The following RBM10 variants were observed in gnomAD, a reference collection of about 807,000 sequenced individuals.
The protein encoded by RBM10 is RNA binding motif protein 10.
A neutral mutation model predicts 84.9 loss-of-function variants in RBM10; 1 was observed. The ratio of observed to expected loss-of-function variants is 0.01; its 90% CI spans 0.00 to 0.06. RBM10 has a LOEUF of 0.06. Among genes scored for constraint, RBM10 ranks in the 10% least tolerant of loss-of-function variants. The pLI is 1.00. For missense variants in RBM10, 438 were observed against 839.0 expected (o/e 0.52, Z 5.90); for synonymous variants, 326 against 344.5 (o/e 0.95, Z 0.60).
Position 47,182,214 on chromosome X carries a change from G to A in RBM10, c.1838G>A (p.Arg613Gln), listed in dbSNP as rs1556780196. The change falls in exon 17 of 24, where the codon CGG becomes CAG. Residue 613 changes from arginine (R) to glutamine (Q), a missense_variant. This residue lies in a region of RBM10 where 39 missense variants were observed against 119.5 expected (regional missense o/e 0.33). Transcript: ENST00000377604. ...TACCTGTACTGGGATGGGGAGAGGC[G>A]GACCTATGTTCCCGCCCTGGAGCAG... ...QQYLYWDGER[R>Q]TYVPALEQSA... The A allele has an allele frequency of 5.8e-6, 7 of 1,210,138 alleles. No homozygotes were observed. Among genetic ancestry groups the A allele is most frequent in the South Asian group, 1.8e-5 (1 of 56,811 alleles).
At chrX:47,159,155 A>G (rs1426237622) in intron 2 of RBM10, among the ~76,000 whole-genome samples, 2 of 112,489 alleles carry the variant, frequency 1.8e-5, no homozygotes, top group East Asian at 5.6e-4. Flanking sequence ...CATGCCAGTA[A>G]TCCCATCACT....
intron 6 of RBM10, among the ~76,000 whole-genome samples, chrX:47,176,295 G>A (rs782141377): frequency 8.9e-6 from 1 of 111,895 alleles, no homozygotes. Context: ...GCGTGTGCCC[G>A]GCAGAGCAGC....
intron 2 of RBM10, among the ~76,000 whole-genome samples, chrX:47,162,302 T>C (rs1474585674): frequency 1.8e-5 from 2 of 112,307 alleles, no homozygotes; most frequent in African/African-American, 6.5e-5. Flanking sequence ...TTATTCCATT[T>C]TTAACTCCTA....
At chrX:47,170,753 T>C (rs958879941) in intron 3 of RBM10, among the ~76,000 whole-genome samples, 2 of 112,175 alleles carry the variant, frequency 1.8e-5, no homozygotes, top group Non-Finnish European at 3.8e-5. Flanking sequence ...AGCTGTGTCT[T>C]GTCAGCTACC....
rs782180325 is a variant in RBM10, at chrX:47,179,221, G to T, written c.724+58G>T. ...GCGGAGCGGTTGGGGAGAAGGGAAG[G>T]GTGAGGGGTCTGTGCTCAGGGCTTG... On this transcript the variant is annotated intron_variant, in intron 8 of 23. Coordinates refer to ENST00000377604, the MANE Select transcript of RBM10 (RefSeq NM_005676.5). 2.6e-3 allele frequency: 3,154 copies of T among 1,193,993 alleles called. 8 individuals carry two copies. Among genetic ancestry groups the T allele is most frequent in the Non-Finnish European group, 3.4e-3 (3,006 of 886,848 alleles).
At chrX:47,158,367 C>T (rs781909734) in intron 2 of RBM10, among the ~76,000 whole-genome samples, 2 of 111,964 alleles carry the variant, frequency 1.8e-5, no homozygotes, top group East Asian at 2.8e-4. Flanking sequence ...ACAACCCCCC[C>T]ACCCCTGGCC....
At chrX:47,164,875 C>G (rs1267009919) in intron 2 of RBM10, among the ~76,000 whole-genome samples, 6 of 112,312 alleles carry the variant, frequency 5.3e-5, no homozygotes, top group African/African-American at 1.9e-4. Context: ...GTGGAAACAA[C>G]CCAAGTGTGC....
intron 6 of RBM10, among the ~76,000 whole-genome samples, 200 bp downstream of exon 6, chrX:47,175,292 C>T (rs1293020664): frequency 9.3e-6 from 1 of 107,242 alleles, no homozygotes; most frequent in Non-Finnish European, 1.9e-5. Flanking sequence ...CATCCAGAGC[C>T]CACACTCACC....
chrX:47,173,613 C>T lies in RBM10; in HGVS notation c.502+416C>T, dbSNP rs782008850. Reference sequence around the variant, plus strand: ...GCCTCTGACCAGAAAGTAGCTCTGACGTGGTGGTCCCACATGTGTGTCCCA... The same window carrying T: ...GCCTCTGACCAGAAAGTAGCTCTGATGTGGTGGTCCCACATGTGTGTCCCA... On this transcript the variant is annotated intron_variant, in intron 5 of 23. Coordinates refer to ENST00000377604, the MANE Select transcript of RBM10 (RefSeq NM_005676.5). Among the ~76,000 whole-genome samples, 180 of 112,631 alleles carry T rather than the reference C, an allele frequency of 1.6e-3. No homozygotes were observed. In the Middle Eastern group the frequency reaches 0.032, roughly 20 times the overall value.
At chrX:47,166,429 C>T (rs1182955685) in intron 2 of RBM10, among the ~76,000 whole-genome samples, 1 of 111,408 alleles carries the variant, frequency 9.0e-6, no homozygotes, top group Non-Finnish European at 1.9e-5. Flanking sequence ...TATTTTGAAA[C>T]AGTCTATCCA....
At position 47,169,460 on chromosome X, in the gene RBM10, C is replaced by A; in HGVS notation, c.163C>A (p.His55Asn). The change falls in exon 3 of 24, where the codon CAT (histidine) becomes AAT (asparagine). Residue 55 changes from histidine to asparagine, a missense_variant. This residue lies in a region of RBM10 where 92 missense variants were observed against 134.3 expected (regional missense o/e 0.69). Transcript: ENST00000377604. Reference protein sequence around the residue: ...PREYGSQEGKHDYDDSSEEQS... With the variant: ...PREYGSQEGKNDYDDSSEEQS... ...CGAGTATGGCAGCCAGGAGGGCAAG[C>A]ATGACTATGACGACTCATCTGAGGA... 1 of 1,211,364 alleles carries A rather than the reference C, an allele frequency of 8.3e-7. No homozygotes were observed.
intron 4 of RBM10, 127 bp downstream of exon 4, chrX:47,171,385 A>C: frequency 9.7e-7 from 1 of 1,028,887 alleles, no homozygotes; most frequent in African/African-American, 1.9e-5. Context: ...TCCAGCTCCT[A>C]TCCCCCAGCA....
intron 2 of RBM10, among the ~76,000 whole-genome samples, chrX:47,164,330 G>A (rs781835689): frequency 9.0e-6 from 1 of 110,615 alleles, no homozygotes; most frequent in Non-Finnish European, 1.9e-5. Flanking sequence ...ATGGGCAAAG[G>A]ATTCATGACC....
intron 2 of RBM10, among the ~76,000 whole-genome samples, chrX:47,155,193 G>T (rs991113051): frequency 9.4e-6 from 1 of 106,768 alleles, no homozygotes; most frequent in Non-Finnish European, 1.9e-5. Context: ...AGCTGAGTTC[G>T]TGGGGACAGG....
intron 2 of RBM10, among the ~76,000 whole-genome samples, chrX:47,154,096 G>A: frequency 9.0e-6 from 1 of 111,329 alleles, no homozygotes; most frequent in Non-Finnish European, 1.9e-5. Context: ...GCTGGTTTTT[G>A]ATTACCATTT....
chrX:47,180,963 C>T (rs782553608), intron 12 of RBM10, among the ~76,000 whole-genome samples: 1 of 111,823 alleles, frequency 8.9e-6, no homozygotes, highest in African/African-American at 3.3e-5. Context: ...ACACGCCACA[C>T]ACAGCAGAAT....
At chrX:47,169,551 C>A (rs1264961590) in intron 3 of RBM10, 53 bp downstream of exon 3, 1 of 1,125,592 alleles carries the variant, frequency 8.9e-7, no homozygotes, top group African/African-American at 1.8e-5. Context: ...TCCCAAGGGC[C>A]CTCTGTGTCT....
At chrX:47,156,186 C>T (rs1201312921) in intron 2 of RBM10, among the ~76,000 whole-genome samples, 2 of 111,251 alleles carry the variant, frequency 1.8e-5, no homozygotes, top group African/African-American at 6.5e-5. Context: ...ATTTTTTACA[C>T]TCTATAGAGA....
intron 5 of RBM10, among the ~76,000 whole-genome samples, chrX:47,174,701 T>TGTCA (rs1934992890): frequency 9.0e-6 from 1 of 110,607 alleles, no homozygotes; most frequent in Non-Finnish European, 1.9e-5. Context: ...TCTCCGTCTC[T>TGTCA]GTCACCCCAG....
Sources: allele counts gnomAD v4.1 joint callset (sites outside exome capture counted in the v4.1 genomes callset), GRCh38; gene constraint gnomAD v4.1.1; regional missense constraint gnomAD v4.1.1; transcripts MANE v1.5; gene names NCBI Gene and HGNC (gene_info 2026-07-23, HGNC 2026-07-21).